The following TRPM3 variants were observed in gnomAD, a reference collection of about 807,000 sequenced individuals.
TRPM3 encodes the protein long transient receptor potential channel 3.
In TRPM3, 77 loss-of-function variants were observed where a neutral mutation model predicts 181.2. That is an observed-to-expected ratio of 0.42 (90% CI 0.35 to 0.51). The LOEUF (loss-of-function observed/expected upper bound fraction) is 0.51. TRPM3 is among the 20% of genes least tolerant of loss of function. The pLI, the probability that TRPM3 is intolerant of heterozygous loss-of-function variation, is 0.01. For synonymous variants in TRPM3, 745 were observed against 796.4 expected, an observed-to-expected ratio of 0.94 and a Z score of 1.09; for missense variants, 1,759 against 2,196.7, an observed-to-expected ratio of 0.80 and a Z score of 3.98.
intron 6 of TRPM3, among the ~76,000 whole-genome samples, chr9:70,804,658 C>T (rs1257480314): frequency 6.6e-6 from 1 of 151,906 alleles, no homozygotes; most frequent in Non-Finnish European, 1.5e-5. Flanking sequence ...GACACTAAGA[C>T]TGTCCCAAAA....
intron 1 of TRPM3, among the ~76,000 whole-genome samples, chr9:70,960,712 C>A (rs906559689): frequency 1.3e-5 from 2 of 152,128 alleles, no homozygotes; most frequent in Non-Finnish European, 2.9e-5. Context: ...GGTACTTTCT[C>A]GTTCTCACAT....
At chr9:71,086,620 T>C (rs1249611054) in intron 1 of TRPM3, among the ~76,000 whole-genome samples, 1 of 152,046 alleles carries the variant, frequency 6.6e-6, no homozygotes, top group Non-Finnish European at 1.5e-5. Context: ...CTTCTTTTTC[T>C]AATTGGCCTG....
intron 7 of TRPM3, among the ~76,000 whole-genome samples, chr9:70,776,655 C>T (rs1025089260): frequency 1.1e-4 from 17 of 152,032 alleles, no homozygotes; most frequent in African/African-American, 3.9e-4. Flanking sequence ...GTCTGATAGA[C>T]GTTTGGAACA....
intron 1 of TRPM3, among the ~76,000 whole-genome samples, chr9:71,399,223 A>G (rs2093276223): frequency 6.6e-6 from 1 of 152,198 alleles, no homozygotes; most frequent in South Asian, 2.1e-4. Flanking sequence ...ATCATGACTT[A>G]GAAAACTACT....
chr9:71,252,552 T>C (rs916607289), intron 1 of TRPM3, among the ~76,000 whole-genome samples: 3 of 152,202 alleles, frequency 2.0e-5, no homozygotes, highest in Admixed American at 6.5e-5. Context: ...CAATTTTTAT[T>C]AGGAGTAGGT....
At chr9:71,032,067 T>TATAATTATATAATATTATA (rs376602754) in intron 1 of TRPM3, among the ~76,000 whole-genome samples, 2 of 57,402 alleles carry the variant, frequency 3.5e-5, no homozygotes, top group Non-Finnish European at 6.9e-5. Flanking sequence ...ATTATATATA[T>TATAATTATATAATATTATA]TATATTATAT....
chr9:70,560,524 C>T (rs1027428056), intron 22 of TRPM3, among the ~76,000 whole-genome samples: 4 of 152,180 alleles, frequency 2.6e-5, no homozygotes, highest in African/African-American at 9.7e-5. Context: ...TCCCATTTTA[C>T]ATTTGAAGTA....
chr9:71,254,429 G>A (rs1032396121), intron 1 of TRPM3, among the ~76,000 whole-genome samples: 14 of 152,112 alleles, frequency 9.2e-5, no homozygotes, highest in African/African-American at 3.4e-4. Flanking sequence ...GTACAACACG[G>A]TGACTTAGTC....
chr9:71,360,653 C>T (rs1234205979), intron 1 of TRPM3, among the ~76,000 whole-genome samples: 1 of 152,092 alleles, frequency 6.6e-6, no homozygotes, highest in Non-Finnish European at 1.5e-5. Context: ...TATCATATAC[C>T]AGCTCTTAGA....
chr9:71,008,848 A>C (rs544373036), intron 1 of TRPM3, among the ~76,000 whole-genome samples: 11 of 152,382 alleles, frequency 7.2e-5, no homozygotes, highest in East Asian at 3.9e-4. Context: ...CCATCTCAAA[A>C]AACAACAACA....
chr9:71,108,097 T>C (rs2070146177), intron 1 of TRPM3, among the ~76,000 whole-genome samples: 1 of 152,160 alleles, frequency 6.6e-6, no homozygotes, highest in South Asian at 2.1e-4. Flanking sequence ...TTCAATATGT[T>C]CCTCCAGTGA....
At chr9:70,934,635 T>C (rs1184684664) in intron 1 of TRPM3, among the ~76,000 whole-genome samples, 1 of 152,112 alleles carries the variant, frequency 6.6e-6, no homozygotes, top group Non-Finnish European at 1.5e-5. Context: ...AGAAAATATA[T>C]AAAATATATA....
At chr9:70,758,677 C>T (rs565227836) in intron 8 of TRPM3, among the ~76,000 whole-genome samples, 32 of 152,224 alleles carry the variant, frequency 2.1e-4, no homozygotes, top group African/African-American at 6.3e-4. Flanking sequence ...AATAATGCCA[C>T]AAATCTACAA....
intron 1 of TRPM3, among the ~76,000 whole-genome samples, chr9:71,203,234 G>A (rs960106157): frequency 6.6e-6 from 1 of 152,164 alleles, no homozygotes; most frequent in African/African-American, 2.4e-5. Flanking sequence ...TACCACTTAT[G>A]TCACCTTGGA....
intron 3 of TRPM3, among the ~76,000 whole-genome samples, chr9:70,854,725 C>T (rs7031089): frequency 0.81 from 122,547 of 152,070 alleles, 49,972 homozygotes; most frequent in African/African-American, 0.91. Flanking sequence ...GCTGGAATTA[C>T]CTATCTCTTC....
intron 1 of TRPM3, among the ~76,000 whole-genome samples, chr9:71,199,662 G>A (rs1036215479): frequency 6.6e-6 from 1 of 152,088 alleles, no homozygotes; most frequent in Admixed American, 6.6e-5. Context: ...TATTTGCGTA[G>A]AGGTGTTTGT....
At chr9:71,378,086 A>C (rs543004117) in intron 1 of TRPM3, among the ~76,000 whole-genome samples, 5 of 152,228 alleles carry the variant, frequency 3.3e-5, no homozygotes, top group African/African-American at 9.6e-5. Context: ...TTCATTCTAG[A>C]ATATATCAAT....
At chr9:70,658,243 A>T (rs2060638167) in intron 9 of TRPM3, among the ~76,000 whole-genome samples, 1 of 152,182 alleles carries the variant, frequency 6.6e-6, no homozygotes, top group African/African-American at 2.4e-5. Context: ...TCCTTGAGTT[A>T]TCACTTTGGT....
At chr9:70,897,652 T>A (rs988356425) in intron 1 of TRPM3, among the ~76,000 whole-genome samples, 7 of 152,112 alleles carry the variant, frequency 4.6e-5, no homozygotes, top group Admixed American at 1.3e-4. Context: ...ATAGTAACTC[T>A]CTCCAACTGG....
Sources: allele counts gnomAD v4.1 joint callset (sites outside exome capture counted in the v4.1 genomes callset), GRCh38; gene constraint gnomAD v4.1.1; transcripts MANE v1.5; gene names NCBI Gene and HGNC (gene_info 2026-07-23, HGNC 2026-07-21).